Variants in KALRN observed in about 807,000 individuals in gnomAD.
KALRN encodes kalirin.
A neutral mutation model predicts 353.7 loss-of-function variants in KALRN; 70 were observed. That is an observed-to-expected ratio of 0.20 (90% CI 0.16 to 0.24). KALRN has a LOEUF of 0.24. KALRN is among the 10% of genes least tolerant of loss of function. The pLI, the probability that KALRN is intolerant of heterozygous loss-of-function variation, is 1.00. For missense variants in KALRN, 2,791 were observed against 3,756.7 expected (o/e 0.74, Z 6.72); for synonymous variants, 1,391 against 1,434.8 (o/e 0.97, Z 0.69).
intron 3 of KALRN, among the ~76,000 whole-genome samples, chr3:124,253,764 C>T (rs1451597611): frequency 6.6e-6 from 1 of 152,188 alleles, no homozygotes; most frequent in Non-Finnish European, 1.5e-5. Flanking sequence ...TCCTGGTCCT[C>T]ACACTAGGAT....
intron 1 of KALRN, among the ~76,000 whole-genome samples, chr3:124,129,662 G>C (rs979368241): frequency 6.6e-6 from 1 of 152,330 alleles, no homozygotes; most frequent in South Asian, 2.1e-4. Flanking sequence ...CTGTTGTAAA[G>C]AAGACCAGAG....
chr3:124,068,659 G>A (rs1314230404), intron 1 of KALRN, among the ~76,000 whole-genome samples: 1 of 152,150 alleles, frequency 6.6e-6, no homozygotes, highest in African/African-American at 2.4e-5. Context: ...GCCCTGCCAT[G>A]TCTGGAGATG....
intron 1 of KALRN, among the ~76,000 whole-genome samples, chr3:124,127,326 A>G (rs188211905): frequency 3.9e-5 from 6 of 152,336 alleles, no homozygotes; most frequent in Middle Eastern, 3.4e-3. Context: ...TCTGGACCTT[A>G]AAGTGTCCCT....
At position 124,694,383 on chromosome 3, in the gene KALRN, A is replaced by G; in HGVS notation, c.7457A>G (p.Asp2486Gly). Residue 2486 changes from aspartate (D) to glycine (G), a missense_variant, in exon 53 of 60, where the codon GAC becomes GGC. Transcript: ENST00000682506. Reference sequence around the variant, plus strand: ...GTGGATGTGACCTGCTTGCTTGGGGACACAGTGATACTGCAGTGCAAAGTC... The same window carrying G: ...GTGGATGTGACCTGCTTGCTTGGGGGCACAGTGATACTGCAGTGCAAAGTC... The part of the protein sequence containing the change: ...PLVDVTCLLG[D>G]TVILQCKVCG... 1 of 1,614,202 alleles carries G rather than the reference A, an allele frequency of 6.2e-7. No homozygotes were observed. The highest frequency in any genetic ancestry group is 1.1e-5 in the South Asian group (1 of 91,088).
intron 51 of KALRN, 32 bp from the exon 52 acceptor site, chr3:124,693,772 C>G: frequency 6.8e-7 from 1 of 1,461,840 alleles, no homozygotes; most frequent in Non-Finnish European, 9.5e-7. Context: ...GTTTAGGATT[C>G]AAGCAATTTT....
chr3:124,657,299 G>A, intron 39 of KALRN, 149 bp from the exon 40 acceptor site: 1 of 614,188 alleles, frequency 1.6e-6, no homozygotes, highest in Non-Finnish European at 2.9e-6. Flanking sequence ...AGGGGTTAAA[G>A]ACCTGGTTGA....
At chr3:124,059,470 T>C (rs954437063) in intron 1 of KALRN, among the ~76,000 whole-genome samples, 11 of 152,216 alleles carry the variant, frequency 7.2e-5, no homozygotes, top group African/African-American at 2.7e-4. Flanking sequence ...TTAACTATAG[T>C]CACCATGTTA....
intron 33 of KALRN, among the ~76,000 whole-genome samples, chr3:124,543,685 T>G (rs1577858412): frequency 7.4e-6 from 1 of 134,676 alleles, no homozygotes; most frequent in South Asian, 2.3e-4. Context: ...AATCAGCAGG[T>G]TTTTTTTTTT....
intron 22 of KALRN, among the ~76,000 whole-genome samples, chr3:124,456,062 T>C (rs2059279012): frequency 6.6e-6 from 1 of 152,192 alleles, no homozygotes; most frequent in Non-Finnish European, 1.5e-5. Flanking sequence ...TCTAGGAAGT[T>C]CCATCATATA....
intron 1 of KALRN, among the ~76,000 whole-genome samples, chr3:124,099,189 A>T (rs2061664294): frequency 6.6e-6 from 1 of 152,318 alleles, no homozygotes; most frequent in East Asian, 1.9e-4. Flanking sequence ...CCACTGTGCT[A>T]TCAAACCCTA....
chr3:124,398,938 C>A, intron 13 of KALRN, 67 bp downstream of exon 13: 1 of 1,502,742 alleles, frequency 6.7e-7, no homozygotes, highest in East Asian at 2.3e-5. Context: ...GGGCACTGCC[C>A]CAGGGGCAGG....
In KALRN at chr3:124,384,900, C is replaced by CGG; in HGVS notation, c.1830_1831dup (p.Glu611GlyfsTer72). ...GAAGCAGCAGAGCAGTTGGCTCAGA[C>CGG]GGGGGAATGTGACCCCGAGGAGATC... On this transcript the variant is annotated frameshift_variant, in exon 11 of 60. Coordinates refer to ENST00000682506, the MANE Select transcript of KALRN (RefSeq NM_001388419.1). LOFTEE classifies it high-confidence loss of function. 1 of 1,612,818 alleles carries CGG rather than the reference C, an allele frequency of 6.2e-7. No individual in the cohort carries two copies. The highest frequency in any genetic ancestry group is 8.5e-7 in the Non-Finnish European group (1 of 1,179,390).
intron 19 of KALRN, among the ~76,000 whole-genome samples, chr3:124,444,285 C>T (rs926943979): frequency 3.2e-4 from 49 of 152,260 alleles, no homozygotes; most frequent in African/African-American, 1.2e-3. Flanking sequence ...AGGAGAATTT[C>T]CTATAGTGGT....
chr3:124,375,083 G>A (rs1028139878), intron 10 of KALRN, among the ~76,000 whole-genome samples: 2 of 152,016 alleles, frequency 1.3e-5, no homozygotes, highest in African/African-American at 4.8e-5. Context: ...TCATTGTTTT[G>A]CCATTTCCAA....
intron 34 of KALRN, among the ~76,000 whole-genome samples, chr3:124,618,519 T>C (rs918379173): frequency 8.5e-5 from 13 of 152,230 alleles, no homozygotes; most frequent in African/African-American, 2.4e-4. Context: ...CAGTCATTTG[T>C]ATAGTGCTAT....
chr3:124,092,237 T>C (rs755511874), intron 1 of KALRN, among the ~76,000 whole-genome samples: 9 of 152,208 alleles, frequency 5.9e-5, no homozygotes, highest in Non-Finnish European at 1.3e-4. Context: ...CAGAGCCAGC[T>C]TCTTTCTCCA....
intron 24 of KALRN, 30 bp downstream of exon 24, chr3:124,461,986 A>G (rs2107694388): frequency 3.3e-6 from 5 of 1,537,034 alleles, no homozygotes; most frequent in Non-Finnish European, 4.5e-6. Context: ...GTTCACAGCT[A>G]TATTGGAAAA....
intron 1 of KALRN, among the ~76,000 whole-genome samples, chr3:124,040,176 A>AG (rs1451104854): frequency 2.0e-5 from 3 of 152,352 alleles, no homozygotes; most frequent in Non-Finnish European, 4.4e-5. Context: ...AATAAACTGA[A>AG]GCTACAGAAA....
At chr3:124,642,243 C>T (rs1204968932) in intron 37 of KALRN, among the ~76,000 whole-genome samples, 1 of 151,926 alleles carries the variant, frequency 6.6e-6, no homozygotes, top group Non-Finnish European at 1.5e-5. Context: ...GAGATCGCGC[C>T]ACTGCACTCC....
Sources: gnomAD v4.1 joint callset for allele counts (sites outside exome capture counted in the v4.1 genomes callset) on GRCh38, gnomAD v4.1.1 for gene constraint, MANE v1.5 for transcripts, NCBI Gene and HGNC (gene_info 2026-07-23, HGNC 2026-07-21) for gene names.